NOL11: variants seen among roughly 807,000 people sequenced by gnomAD.
NOL11 encodes nucleolar protein 11.
Under a neutral mutation model 93.0 loss-of-function variants are expected in NOL11, and 42 were observed. The ratio of observed to expected loss-of-function variants is 0.45; its 90% CI spans 0.35 to 0.58. The LOEUF (loss-of-function observed/expected upper bound fraction) is 0.58. Among genes scored for constraint, NOL11 ranks in the 20% least tolerant of loss-of-function variants. NOL11 has a pLI of 0.00. For synonymous variants in NOL11, 296 were observed against 293.7 expected (o/e 1.01, Z -0.08); for missense variants, 775 against 841.8 (o/e 0.92, Z 0.98).
intron 7 of NOL11, among the ~76,000 whole-genome samples, chr17:67,734,117 T>C (rs992134148): frequency 1.3e-5 from 2 of 152,176 alleles, no homozygotes; most frequent in African/African-American, 4.8e-5. Flanking sequence ...CTTGGGCTTT[T>C]CTTTGTTGGG....
At position 67,739,716 on chromosome 17, in the gene NOL11, C is replaced by G. The variant is rs1022192119; in HGVS notation, c.1935+108C>G. On this transcript the variant is annotated intron_variant, in intron 16 of 17. Coordinates refer to ENST00000253247, the MANE Select transcript of NOL11 (RefSeq NM_015462.5). ...AGAGCTGACTTCTTGTTTCCTAGGC[C>G]GTAGGAATCCCTTCCTCATAAAACC... 28 of 673,304 alleles carry G rather than the reference C, an allele frequency of 4.2e-5. No homozygotes were observed. The East Asian group carries it at 7.3e-4, about 18-fold the overall frequency. 41.7% of individuals were successfully genotyped at this position (673,304 alleles called of 1,614,324 possible).
Position 67,719,787 on chromosome 17 carries a change from G to A in NOL11, c.255G>A (p.Lys85=). The A allele has an allele frequency of 1.3e-6, 2 of 1,580,966 alleles. No homozygotes were observed. The highest frequency in any genetic ancestry group is 8.6e-7 in the Non-Finnish European group (1 of 1,157,568). ...TGEYVVVHDN[K]VLRIWNNEDV... Reference sequence around the variant, plus strand: ...AGTATGTTGTTGTACACGATAATAAGGTGAGTTTTAAAACTTTTGTATAAT... The same window carrying A: ...AGTATGTTGTTGTACACGATAATAAAGTGAGTTTTAAAACTTTTGTATAAT... The change falls in exon 2 of 18, where the codon AAG becomes AAA. Residue 85 remains lysine, a splice_region_variant and synonymous_variant. Coordinates refer to ENST00000253247, the MANE Select transcript of NOL11 (RefSeq NM_015462.5).
chr17:67,735,959 A>G lies in NOL11; in HGVS notation c.990A>G (p.Pro330=), dbSNP rs1172369845. Residue 330 remains proline (P), a synonymous_variant, in exon 9 of 18, where the codon CCA becomes CCG. Coordinates refer to ENST00000253247, the MANE Select transcript of NOL11 (RefSeq NM_015462.5). ...MLHGKSLTVI[P]YKCEVSSLAG... The stretch of plus-strand genomic sequence containing the variant: ...ATGGAAAATCTCTAACTGTGATTCC[A>G]TACAAGTGTGAAGTGTCATCATTAG... 1 of 1,612,414 alleles carries G rather than the reference A, an allele frequency of 6.2e-7. No individual in the cohort carries two copies. Among genetic ancestry groups the G allele is most frequent in the African/African-American group, 1.3e-5 (1 of 74,870 alleles).
chr17:67,737,380 C>T, intron 11 of NOL11, 128 bp from the exon 12 acceptor site: 2 of 789,106 alleles, frequency 2.5e-6, no homozygotes, highest in Non-Finnish European at 4.1e-6. Flanking sequence ...TTTGCAGTGT[C>T]AGCTTCAGCT....
intron 16 of NOL11, among the ~76,000 whole-genome samples, chr17:67,741,716 C>A (rs975249094): frequency 2.0e-4 from 30 of 152,172 alleles, no homozygotes; most frequent in African/African-American, 7.2e-4. Flanking sequence ...GGATTATAGG[C>A]CCCCACCACC....
intron 7 of NOL11, among the ~76,000 whole-genome samples, chr17:67,728,587 C>T (rs968894318): frequency 3.3e-5 from 5 of 152,122 alleles, no homozygotes; most frequent in Non-Finnish European, 7.4e-5. Context: ...CAAAAAAACC[C>T]GGTGGCTACT....
chr17:67,737,234 T>A, intron 11 of NOL11, 89 bp downstream of exon 11: 1 of 832,370 alleles, frequency 1.2e-6, no homozygotes, highest in Non-Finnish European at 2.0e-6. Flanking sequence ...ATTTTTATGA[T>A]CATCTTTATA....
At chr17:67,718,313 G>T (rs2043191457) in intron 1 of NOL11, among the ~76,000 whole-genome samples, 1 of 152,192 alleles carries the variant, frequency 6.6e-6, no homozygotes, top group Non-Finnish European at 1.5e-5. Context: ...CTGAGTGCAC[G>T]TGGGTTAGAC....
intron 4 of NOL11, among the ~76,000 whole-genome samples, chr17:67,721,935 T>C (rs1158938500): frequency 6.6e-6 from 1 of 152,236 alleles, no homozygotes; most frequent in Non-Finnish European, 1.5e-5. Flanking sequence ...CATCAAGGGA[T>C]AGAAGGACAC....
chr17:67,733,845 C>T (rs1290296328), intron 7 of NOL11, among the ~76,000 whole-genome samples: 1 of 152,084 alleles, frequency 6.6e-6, no homozygotes, highest in Non-Finnish European at 1.5e-5. Context: ...TGGAGTCAAT[C>T]CTTCTTGGTC....
Position 67,743,897 on chromosome 17 carries a change from C to CTT in NOL11, c.*41_*42dup. ...TCCTTCATAGACATTTTATAAAGCT[C>CTT]TTTTATGTGAACTCTTGCTTCATCC... On this transcript the variant is annotated 3_prime_UTR_variant, in exon 18 of 18. Coordinates refer to ENST00000253247, the MANE Select transcript of NOL11 (RefSeq NM_015462.5). 9.6e-7 allele frequency: 1 copy of CTT among 1,045,234 alleles called. No individual in the cohort carries two copies. The highest frequency in any genetic ancestry group is 1.4e-6 in the Non-Finnish European group (1 of 707,818). The allele number at this position is 1,045,234 out of a possible 1,614,324, so 64.7% of individuals were successfully genotyped here.
chr17:67,737,040 T>C, intron 10 of NOL11, 31 bp from the exon 11 acceptor site: 2 of 1,365,488 alleles, frequency 1.5e-6, no homozygotes, highest in Non-Finnish European at 2.1e-6. Flanking sequence ...TTATATTGTT[T>C]TGTGATCCTA....
chr17:67,722,738 G>A, intron 5 of NOL11, 101 bp downstream of exon 5: 1 of 1,404,066 alleles, frequency 7.1e-7, no homozygotes, highest in South Asian at 1.5e-5. Context: ...AGGCTTGAGA[G>A]CAGTGGTGCC....
intron 9 of NOL11, 80 bp downstream of exon 9, chr17:67,736,103 C>A: frequency 1.6e-6 from 2 of 1,277,736 alleles, no homozygotes; most frequent in Admixed American, 5.0e-5. Flanking sequence ...CCACAGCCTT[C>A]TATTTGTAAA....
chr17:67,741,715 G>GC (rs1336390324), intron 16 of NOL11, among the ~76,000 whole-genome samples: 1 of 151,832 alleles, frequency 6.6e-6, no homozygotes, highest in Non-Finnish European at 1.5e-5. Context: ...GGGATTATAG[G>GC]CCCCCACCAC....
rs1352306907 is a variant in NOL11, at chr17:67,735,068, GTGTTAAA to G, written c.930+642_930+648del. ...CTAATAAATTAGTCTTTTAGATTAT[GTGTTAAA>G]TGTTAAATGTTACCATGAAATTACA... On this transcript the variant is annotated intron_variant, in intron 8 of 17. Transcript: ENST00000253247. Among the ~76,000 whole-genome samples, 13 of 152,230 alleles carry G rather than the reference GTGTTAAA, an allele frequency of 8.5e-5. No individual in the cohort carries two copies. The East Asian group carries it at 2.3e-3, about 27-fold the overall frequency.
At chr17:67,738,083 T>G (rs1343975707) in intron 13 of NOL11, 39 bp from the exon 14 acceptor site, 4 of 1,553,820 alleles carry the variant, frequency 2.6e-6, no homozygotes, top group Non-Finnish European at 3.5e-6. Flanking sequence ...AAAAGCTTGG[T>G]GATAAGGATT....
chr17:67,721,479 C>A lies in NOL11; in HGVS notation c.414C>A (p.Asp138Glu), dbSNP rs765960691. ...AVRGLEALLA[D>E]PQQKIETVIS... is the part of the protein sequence containing the mutation. ...GTGGTTTAGAGGCCTTGCTTGCAGA[C>A]CCCCAGCAGAAAATTGAAACTGTTA... The change falls in exon 4 of 18, where the codon GAC (aspartate) becomes GAA (glutamate). Residue 138 changes from aspartate to glutamate, a missense_variant. Physicochemically the swap from Asp to Glu is conservative, Grantham distance 45. This residue lies in a region of NOL11 where 359 missense variants were observed against 316.5 expected (regional missense o/e 1.13). Transcript: ENST00000253247. The A allele has an allele frequency of 2.5e-6, 4 of 1,613,636 alleles. No individual in the cohort carries two copies. The African/African-American group carries it at 5.3e-5, about 22-fold the overall frequency.
chr17:67,721,132 CG>C (rs1332657293), intron 3 of NOL11, among the ~76,000 whole-genome samples: 1 of 152,034 alleles, frequency 6.6e-6, no homozygotes, highest in Non-Finnish European at 1.5e-5. Context: ...GTAGTCACAA[CG>C]GGTAAACCAA....
Sources: allele counts gnomAD v4.1 joint callset (sites outside exome capture counted in the v4.1 genomes callset), GRCh38; gene constraint gnomAD v4.1.1; regional missense constraint gnomAD v4.1.1; transcripts MANE v1.5; gene names NCBI Gene and HGNC (gene_info 2026-07-23, HGNC 2026-07-21).